The following TTN variants were observed in gnomAD, a reference collection of about 807,000 sequenced individuals.
TTN encodes the protein titin.
A neutral mutation model predicts 3,223.0 loss-of-function variants in TTN; 1,525 were observed. That is an observed-to-expected ratio of 0.47 (90% CI 0.45 to 0.49). TTN has a LOEUF of 0.49. TTN is among the 20% of genes least tolerant of loss of function. The probability of loss-of-function intolerance (pLI) is 0.00; values close to 1 mark genes in which losing one functional copy is unlikely to be tolerated. For synonymous variants in TTN, 14,094 were observed against 15,161.0 expected (o/e 0.93, Z 5.17); for missense variants, 40,786 against 43,424.0 (o/e 0.94, Z 5.40).
rs749332790 is a variant in TTN at position 178,712,547 on chromosome 2, T to A, written c.27375A>T (p.Lys9125Asn). 1.2e-6 allele frequency: 2 copies of A among 1,613,328 alleles called. No individual in the cohort carries two copies. Among genetic ancestry groups the A allele is most frequent in the African/African-American group, 2.7e-5 (2 of 74,918 alleles). ...TACCCTCTAGGATCAGGGGTTTTCC[T>A]TTCTCTATGCTGTAATCATTCAGCC... is the stretch of plus-strand genomic sequence containing the variant. ...VKRLNDYSIE[K>N]GKPLILEGTF... The change falls in exon 95 of 363, where the codon AAA (lysine) becomes AAT (asparagine). Residue 9125 changes from lysine to asparagine, a missense_variant. Physicochemically the swap from Lys to Asn is moderately conservative, Grantham distance 94 (BLOSUM62 0). Coordinates refer to ENST00000589042, the MANE Select transcript of TTN (RefSeq NM_001267550.2).
Position 178,537,108 on chromosome 2 carries a change from T to C in TTN, c.100001A>G (p.Lys33334Arg), listed in dbSNP as rs1178919533. ...CACCAATTGCCATTCAGCCCCCTCCTTGGCCTCACATTTTTCCACCACATA... is the reference window on the plus strand; with the variant it reads ...CACCAATTGCCATTCAGCCCCCTCCCTGGCCTCACATTTTTCCACCACATA... Reference protein sequence around the residue: ...TNYVVEKCEAKEGAEWQLVSS... With the variant: ...TNYVVEKCEAREGAEWQLVSS... The change falls in exon 356 of 363, where the codon AAG (lysine) becomes AGG (arginine). Residue 33334 changes from lysine (K) to arginine (R), a missense_variant. Transcript: ENST00000589042. 2 of 1,613,202 alleles carry C rather than the reference T, an allele frequency of 1.2e-6. No homozygotes were observed. Among genetic ancestry groups the C allele is most frequent in the Non-Finnish European group, 1.7e-6 (2 of 1,179,620 alleles).
At position 178,667,266 on chromosome 2, in the gene TTN, G is replaced by A. The variant is rs750779499; in HGVS notation, c.35767C>T (p.Pro11923Ser). 2.8e-5 allele frequency: 45 copies of A among 1,604,920 alleles called. No homozygotes were observed. Among genetic ancestry groups the A allele is most frequent in the Non-Finnish European group, 3.7e-5 (43 of 1,175,774 alleles). ...FPEVEPPEAIPEIPEHPPTEE... is the reference protein window; with the variant it reads ...FPEVEPPEAISEIPEHPPTEE... ...GTTGGAGGATGTTCTGGAATTTCAG[G>A]AATAGCCTCAGGTGGCTCCACCTCT... The change falls in exon 162 of 363, where the codon CCT (proline) becomes TCT (serine). Residue 11923 changes from proline (P) to serine (S), a missense_variant. Pro to Ser is a moderately conservative substitution (Grantham distance 74). Coordinates refer to ENST00000589042, the MANE Select transcript of TTN (RefSeq NM_001267550.2).
chr2:178,625,496 T>A, intron 240 of TTN, 100 bp from the exon 241 acceptor site: 1 of 1,354,958 alleles, frequency 7.4e-7, no homozygotes, highest in Non-Finnish European at 9.6e-7. Context: ...GCTTTCCAAG[T>A]TGTTTTATAA....
Position 178,740,302 on chromosome 2 carries a change from G to A in TTN, c.12931C>T (p.Leu4311=). 6.2e-7 allele frequency: 1 copy of A among 1,613,686 alleles called. No individual in the cohort carries two copies. Among genetic ancestry groups the A allele is most frequent in the Non-Finnish European group, 8.5e-7 (1 of 1,179,816 alleles). ...GKILIESANP[L]ENAGQDSAVR... is the part of the protein sequence containing the mutation. ...GCAGAATCTTGCCCTGCATTTTCCA[G>A]TGGATTTGCACTTTCTATCAAAATT... is the stretch of plus-strand genomic sequence containing the variant. Residue 4311 remains leucine, a synonymous_variant, in exon 48 of 363, where the codon CTG becomes TTG. Transcript: ENST00000589042.
chr2:178,695,865 C>G lies in TTN; in HGVS notation c.31207G>C (p.Glu10403Gln). ...AACAAGTCATTCAGTTTATACATAC[C>G]TTCATAGACCTCCTTTTGAACTTGA... Reference protein sequence around the residue: ...VIQVQKEVYEESHERKVPAKV... With the variant: ...VIQVQKEVYEQSHERKVPAKV... Residue 10403 changes from glutamate to glutamine, a missense_variant and splice_region_variant, in exon 114 of 363, where the codon GAA becomes CAA. By Grantham distance (29) the Glu-to-Gln change is conservative (BLOSUM62 2). Transcript: ENST00000589042. 2 of 1,443,742 alleles carry G rather than the reference C, an allele frequency of 1.4e-6. No individual in the cohort carries two copies. The highest frequency in any genetic ancestry group is 1.8e-6 in the Non-Finnish European group (2 of 1,098,342). 89.4% of individuals were successfully genotyped at this position (1,443,742 alleles called of 1,614,324 possible). A position where few individuals can be genotyped will look rare whatever the true frequency, so the allele number is the denominator to read the frequency against.
At position 178,578,873 on chromosome 2, in the gene TTN, A is replaced by C; in HGVS notation, c.68157T>G (p.Ser22719Arg). The C allele has an allele frequency of 6.2e-7, 1 of 1,613,220 alleles. No individual in the cohort carries two copies. Among genetic ancestry groups the C allele is most frequent in the East Asian group, 2.2e-5 (1 of 44,796 alleles). ...CCCCTACACCATATTTATTTTCGGCACTGACCCTGAAGGTATATTCCATGC... is the reference window on the plus strand; with the variant it reads ...CCCCTACACCATATTTATTTTCGGCCCTGACCCTGAAGGTATATTCCATGC... ...HEGMEYTFRV[S>R]AENKYGVGEG... Residue 22719 changes from serine to arginine, a missense_variant, in exon 320 of 363, where the codon AGT becomes AGG. Physicochemically the swap from Ser to Arg is moderately radical, Grantham distance 110. Transcript: ENST00000589042.
At position 178,679,628 on chromosome 2, in the gene TTN, G is replaced by C; in HGVS notation, c.33635C>G (p.Pro11212Arg). The stretch of plus-strand genomic sequence containing the variant: ...TGCCGGTGGAGCTTCCTTCTTCTTG[G>C]GAACAGGAACAGGTTTCTTCTCTTC... ...VPEEKKPVPV[P>R]KKKEAPPAKV... Residue 11212 changes from proline (P) to arginine (R), a missense_variant, in exon 141 of 363, where the codon CCC becomes CGC. Physicochemically the swap from Pro to Arg is moderately radical, Grantham distance 103. Transcript: ENST00000589042. The C allele has an allele frequency of 6.2e-7, 1 of 1,611,466 alleles. No individual in the cohort carries two copies. The highest frequency in any genetic ancestry group is 1.7e-4 in the Middle Eastern group (1 of 6,054).
intron 282 of TTN, 38 bp from the exon 283 acceptor site, chr2:178,602,628 T>C (rs1188572160): frequency 7.0e-7 from 1 of 1,437,916 alleles, no homozygotes; most frequent in African/African-American, 1.4e-5. Flanking sequence ...CATCAGATTT[T>C]GAAGCTGATG....
chr2:178,688,295 T>C (rs572248519), intron 126 of TTN, 71 bp from the exon 127 acceptor site: 2 of 1,308,708 alleles, frequency 1.5e-6, no homozygotes, highest in Non-Finnish European at 2.2e-6. Context: ...ATGTGGTCAC[T>C]ACAGATGGAT....
At position 178,569,608 on chromosome 2, in the gene TTN, T is replaced by C. The variant is rs925685222; in HGVS notation, c.76524A>G (p.Pro25508=). The C allele has an allele frequency of 1.2e-6, 2 of 1,612,294 alleles. No individual in the cohort carries two copies. The highest frequency in any genetic ancestry group is 1.1e-5 in the South Asian group (1 of 90,932). The change falls in exon 326 of 363, where the codon CCA becomes CCG. Residue 25508 remains proline (P), a synonymous_variant. Coordinates refer to ENST00000589042, the MANE Select transcript of TTN (RefSeq NM_001267550.2). Reference sequence around the variant, plus strand: ...TTAGTTCTAGGTCAAGATCAATGTCTGGTGCTTCTAATTTTTCTTCAACTA... The same window carrying C: ...TTAGTTCTAGGTCAAGATCAATGTCCGGTGCTTCTAATTTTTCTTCAACTA... ...PIIVEEKLEA[P]DIDLDLELRK... is the part of the protein sequence containing the mutation.
rs757571814 is a variant in TTN, at chr2:178,557,782, G to A, written c.87572C>T (p.Thr29191Ile). Residue 29191 changes from threonine (T) to isoleucine (I), a missense_variant, in exon 328 of 363, where the codon ACA becomes ATA. Physicochemically the swap from Thr to Ile is moderately conservative, Grantham distance 89. Transcript: ENST00000589042. ...STAVWTEVSA[T>I]VARTMMKVMK... ...GACTTTCATCATGGTTCTTGCAACT[G>A]TTGCAGACACTTCAGTCCACACTGC... 1 of 1,613,944 alleles carries A rather than the reference G, an allele frequency of 6.2e-7. No homozygotes were observed. Among genetic ancestry groups the A allele is most frequent in the Non-Finnish European group, 8.5e-7 (1 of 1,179,846 alleles).
intron 48 of TTN, 23 bp downstream of exon 48, chr2:178,739,118 C>A (rs754557930): frequency 6.7e-7 from 1 of 1,487,986 alleles, no homozygotes; most frequent in South Asian, 1.5e-5. Context: ...AGCATTTGAT[C>A]TATTTTATCC....
In TTN at chr2:178,770,043, G is replaced by C; in HGVS notation, c.8641+17C>G. 2.5e-6 allele frequency: 4 copies of C among 1,614,124 alleles called. No individual in the cohort carries two copies. Among genetic ancestry groups the C allele is most frequent in the Non-Finnish European group, 3.4e-6 (4 of 1,180,010 alleles). ...GTTCATTAAGGAAAGGGCTGTAGGG[G>C]GCTGCCTGATACTTACTCTCCACAA... On this transcript the variant is annotated intron_variant, in intron 36 of 362. Transcript: ENST00000589042.
At chr2:178,760,156 G>A (rs2088657607) in intron 43 of TTN, among the ~76,000 whole-genome samples, 1 of 152,280 alleles carries the variant, frequency 6.6e-6, no homozygotes, top group African/African-American at 2.4e-5. Flanking sequence ...TCCTGCCCAT[G>A]ATGGTAGATG....
chr2:178,749,364 T>C (rs1007546730), intron 47 of TTN: 2 of 1,613,112 alleles, frequency 1.2e-6, no homozygotes, highest in Non-Finnish European at 1.7e-6. Context: ...GGCTTGCTGA[T>C]TTTTATGGTT....
At chr2:178,713,669 A>G (rs2077028276) in intron 92 of TTN, 2 of 725,366 alleles carry the variant, frequency 2.8e-6, no homozygotes, top group Admixed American at 3.1e-5. Flanking sequence ...TCCAGGGACT[A>G]TTTTTCATTC....
In TTN at chr2:178,536,146, T is replaced by G; in HGVS notation, c.100601A>C (p.Lys33534Thr). ...KPIVKWYRQGKEIIADGLKYR... is the reference protein window; with the variant it reads ...KPIVKWYRQGTEIIADGLKYR... ...TTTTAATCCATCTGCAATGATTTCTTTGCCTTGTCTGTACCATTTGACGAT... is the reference window on the plus strand; with the variant it reads ...TTTTAATCCATCTGCAATGATTTCTGTGCCTTGTCTGTACCATTTGACGAT... The change falls in exon 357 of 363, where the codon AAA (lysine) becomes ACA (threonine). Residue 33534 changes from lysine to threonine, a missense_variant. By Grantham distance (78) the Lys-to-Thr change is moderately conservative. Transcript: ENST00000589042. The G allele has an allele frequency of 1.2e-6, 2 of 1,613,690 alleles. No homozygotes were observed. Among genetic ancestry groups the G allele is most frequent in the Non-Finnish European group, 1.7e-6 (2 of 1,179,718 alleles).
chr2:178,530,870 A>C lies in TTN; in HGVS notation c.105745T>G (p.Ser35249Ala). The C allele has an allele frequency of 1.2e-6, 2 of 1,612,498 alleles. No individual in the cohort carries two copies. Among genetic ancestry groups the C allele is most frequent in the Non-Finnish European group, 1.7e-6 (2 of 1,179,616 alleles). The change falls in exon 358 of 363, where the codon TCT becomes GCT. Residue 35249 changes from serine to alanine, a missense_variant. Ser to Ala is a moderately conservative substitution (Grantham distance 99). Transcript: ENST00000589042. Reference protein sequence around the residue: ...PRVKSPEAVKSPKRVKSPEPS... With the variant: ...PRVKSPEAVKAPKRVKSPEPS... ...TCTGGAGATTTCACTCGTTTTGGAG[A>C]CTTAACTGCTTCTGGGGATTTCACC...
Position 178,549,451 on chromosome 2 carries a change from A to C in TTN, c.92175T>G (p.Ile30725Met). Residue 30725 changes from isoleucine (I) to methionine (M), a missense_variant, in exon 339 of 363, where the codon ATT becomes ATG. By Grantham distance (10) the Ile-to-Met change is conservative (BLOSUM62 1). Transcript: ENST00000589042. ...TGCCTGTTATGTTGCTAGGTTCTGG[A>C]ATGCCAGGGGCATCAGGAACAGCTG... ...IQYTVPDAPG[I>M]PEPSNITGNS... 1 of 1,607,180 alleles carries C rather than the reference A, an allele frequency of 6.2e-7. No individual in the cohort carries two copies. Among genetic ancestry groups the C allele is most frequent in the Non-Finnish European group, 8.5e-7 (1 of 1,175,108 alleles).
Sources: allele counts gnomAD v4.1 joint callset (sites outside exome capture counted in the v4.1 genomes callset), GRCh38; gene constraint gnomAD v4.1.1; transcripts MANE v1.5; gene names NCBI Gene and HGNC (gene_info 2026-07-23, HGNC 2026-07-21).